The following DST variants were observed in gnomAD, a reference collection of about 807,000 sequenced individuals.
The protein encoded by DST is bullous pemphigoid antigen.
In DST, 253 loss-of-function variants were observed where a neutral mutation model predicts 875.2. The observed-to-expected ratio is 0.29, with a 90% CI of 0.26 to 0.32. The LOEUF (loss-of-function observed/expected upper bound fraction) is 0.32. DST is among the 10% of genes least tolerant of loss of function. DST has a pLI of 1.00. For synonymous variants in DST, 3,124 were observed against 3,197.1 expected, an observed-to-expected ratio of 0.98 and a Z score of 0.77; for missense variants, 8,287 against 9,111.6, an observed-to-expected ratio of 0.91 and a Z score of 3.68.
At chr6:56,470,741 G>C (rs1270075389) in intron 95 of DST, among the ~76,000 whole-genome samples, 1 of 150,152 alleles carries the variant, frequency 6.7e-6, no homozygotes, top group East Asian at 2.0e-4. Context: ...ATGAAAAAGG[G>C]ACTTGAATTT....
At chr6:56,557,889 C>T (rs2097454510) in intron 58 of DST, among the ~76,000 whole-genome samples, 1 of 152,090 alleles carries the variant, frequency 6.6e-6, no homozygotes. Context: ...CTTCACTTAT[C>T]CGTTCTAGGC....
intron 38 of DST, 81 bp from the exon 39 acceptor site, chr6:56,610,643 A>G: frequency 2.5e-6 from 3 of 1,211,092 alleles, no homozygotes; most frequent in Non-Finnish European, 3.4e-6. Flanking sequence ...TAATTTTGTC[A>G]TATGATGGTA....
At chr6:56,676,469 C>G (rs1196005822) in intron 9 of DST, among the ~76,000 whole-genome samples, 2 of 151,736 alleles carry the variant, frequency 1.3e-5, no homozygotes, top group African/African-American at 4.8e-5. Flanking sequence ...TAGAGGTGCC[C>G]AAAAAATTAA....
intron 3 of DST, among the ~76,000 whole-genome samples, chr6:56,899,987 T>C (rs1414873707): frequency 6.6e-6 from 1 of 152,172 alleles, no homozygotes; most frequent in Non-Finnish European, 1.5e-5. Flanking sequence ...CTCAAGAGCC[T>C]CCAGGAGGAG....
intron 2 of DST, among the ~76,000 whole-genome samples, chr6:56,919,783 C>A (rs1040550248): frequency 2.0e-5 from 3 of 152,056 alleles, no homozygotes; most frequent in Admixed American, 2.0e-4. Flanking sequence ...CCCATCTCTA[C>A]TAAAAATACA....
In DST at chr6:56,620,217, A is replaced by G. The variant is rs930763473; in HGVS notation, c.4929+4313T>C. On this transcript the variant is annotated intron_variant, in intron 36 of 103. Coordinates refer to ENST00000680361, the MANE Select transcript of DST (RefSeq NM_001374736.1). The stretch of plus-strand genomic sequence containing the variant: ...CTCTTTCTTCTTAATTCTTCCATTA[A>G]TTTATTTTTTTGTTGCTCCAAATCA... 1 of 1,613,448 alleles carries G rather than the reference A, an allele frequency of 6.2e-7. No individual in the cohort carries two copies. The highest frequency in any genetic ancestry group is 1.3e-5 in the African/African-American group (1 of 74,800).
At chr6:56,743,642 T>C (rs557513470) in intron 4 of DST, among the ~76,000 whole-genome samples, 20 of 152,196 alleles carry the variant, frequency 1.3e-4, no homozygotes, top group African/African-American at 4.8e-4. Flanking sequence ...CACACACATA[T>C]ATAACACACA....
rs1293391359 is a variant in DST, at chr6:56,844,273, C to T, written c.625+7124G>A. Among the ~76,000 whole-genome samples the T allele has an allele frequency of 2.0e-5, 3 of 152,046 alleles. No homozygotes were observed. The East Asian group carries it at 5.8e-4, about 30-fold the overall frequency. Reference sequence around the variant, plus strand: ...CAGCCGGGCCGCGCCTGCGCCTGAGCTCCCGGCCGCCGCGAGGCTGCCGAG... The same window carrying T: ...CAGCCGGGCCGCGCCTGCGCCTGAGTTCCCGGCCGCCGCGAGGCTGCCGAG... On this transcript the variant is annotated intron_variant, in intron 4 of 103. Transcript: ENST00000680361.
chr6:56,640,311 T>C lies in DST; in HGVS notation c.2322A>G (p.Leu774=), dbSNP rs745819885. The part of the protein sequence containing the change: ...PAYTPGFPSG[L]VPNFSSGVEP... Reference sequence around the variant, plus strand: ...CTACTCCTGAACTGAAATTTGGAACTAATCCTGATGGGAAACCAGGTGTAT... The same window carrying C: ...CTACTCCTGAACTGAAATTTGGAACCAATCCTGATGGGAAACCAGGTGTAT... The change falls in exon 18 of 104, where the codon TTA becomes TTG. Residue 774 remains leucine, a synonymous_variant. Coordinates refer to ENST00000680361, the MANE Select transcript of DST (RefSeq NM_001374736.1). 1 of 1,614,198 alleles carries C rather than the reference T, an allele frequency of 6.2e-7. No homozygotes were observed. The highest frequency in any genetic ancestry group is 1.1e-5 in the South Asian group (1 of 91,076).
At chr6:56,737,648 G>T (rs957770573) in intron 4 of DST, among the ~76,000 whole-genome samples, 1 of 151,900 alleles carries the variant, frequency 6.6e-6, no homozygotes, top group Non-Finnish European at 1.5e-5. Context: ...ACTGGACAGC[G>T]CTACTTTAGA....
chr6:56,527,213 C>A (rs1009657771), intron 68 of DST, among the ~76,000 whole-genome samples: 3 of 152,146 alleles, frequency 2.0e-5, no homozygotes, highest in South Asian at 4.2e-4. Flanking sequence ...AAACAATGAT[C>A]ATTTTCCTTT....
Position 56,672,589 on chromosome 6 carries a change from T to C in DST, c.1048-1782A>G, listed in dbSNP as rs575904634. On this transcript the variant is annotated intron_variant, in intron 9 of 103. Transcript: ENST00000680361. ...CCAAAATTATGCTACAGTACCTTTC[T>C]GGCACATCCCAAGAGTTTAAGTCCC... 3.3e-5 allele frequency among the ~76,000 whole-genome samples: 5 copies of C among 152,308 alleles called. No individual in the cohort carries two copies. In the South Asian group the frequency reaches 1.0e-3, roughly 32 times the overall value.
chr6:56,537,778 G>A (rs1236523503), intron 61 of DST, among the ~76,000 whole-genome samples: 1 of 152,158 alleles, frequency 6.6e-6, no homozygotes, highest in Non-Finnish European at 1.5e-5. Context: ...AGGATTTAAT[G>A]TGCTAGATTA....
chr6:56,678,715 C>A (rs183421058), intron 9 of DST, among the ~76,000 whole-genome samples: 2 of 152,218 alleles, frequency 1.3e-5, no homozygotes, highest in East Asian at 3.9e-4. Context: ...TTTACAAAGA[C>A]AAAAGGTATC....
rs756402785 is a variant in DST at position 56,553,552 on chromosome 6, T to C, written c.15240A>G (p.Gln5080=). Reference sequence around the variant, plus strand: ...TGGCAGATATTGGATGAGATTTGTTTTGCTCTTCTTTCTTTGTATCCAGCC... The same window carrying C: ...TGGCAGATATTGGATGAGATTTGTTCTGCTCTTCTTTCTTTGTATCCAGCC... The part of the protein sequence containing the change: ...QAWLDTKKEE[Q]NKSHPISAKL... The change falls in exon 61 of 104, where the codon CAA becomes CAG. Residue 5080 remains glutamine, a synonymous_variant. Transcript: ENST00000680361. 3 of 1,613,862 alleles carry C rather than the reference T, an allele frequency of 1.9e-6. No individual in the cohort carries two copies. The highest frequency in any genetic ancestry group is 1.6e-4 in the Middle Eastern group (1 of 6,084).
At chr6:56,826,454 T>C (rs1022195207) in intron 4 of DST, among the ~76,000 whole-genome samples, 11 of 152,188 alleles carry the variant, frequency 7.2e-5, no homozygotes, top group Non-Finnish European at 1.6e-4. Flanking sequence ...GTAATAAATA[T>C]GTTTTAAAAT....
intron 3 of DST, among the ~76,000 whole-genome samples, chr6:56,867,834 A>G (rs1775003255): frequency 6.6e-6 from 1 of 151,860 alleles, no homozygotes; most frequent in African/African-American, 2.4e-5. Context: ...TCCGTCTCAA[A>G]AAAAAAAAAA....
chr6:56,506,610 T>C (rs2096322180), intron 76 of DST, 57 bp downstream of exon 76: 11 of 1,608,696 alleles, frequency 6.8e-6, no homozygotes, highest in Non-Finnish European at 9.3e-6. Flanking sequence ...GTTAACAAAA[T>C]ATTTTAGTTA....
intron 4 of DST, among the ~76,000 whole-genome samples, chr6:56,763,070 G>A (rs929580749): frequency 2.0e-5 from 3 of 151,776 alleles, no homozygotes; most frequent in African/African-American, 7.3e-5. Context: ...GGCTGGTCTC[G>A]AACTCCTGAC....
Sources: gnomAD v4.1 joint callset for allele counts (sites outside exome capture counted in the v4.1 genomes callset) on GRCh38, gnomAD v4.1.1 for gene constraint, MANE v1.5 for transcripts, NCBI Gene and HGNC (gene_info 2026-07-23, HGNC 2026-07-21) for gene names.